Variants in CNTNAP5 observed in about 807,000 individuals in gnomAD.
CNTNAP5 encodes the protein contactin associated protein family member 5.
In CNTNAP5, 72 loss-of-function variants were observed where a neutral mutation model predicts 150.2. The observed-to-expected ratio is 0.48, with a 90% CI of 0.40 to 0.58. CNTNAP5 has a LOEUF of 0.58. CNTNAP5 is among the 20% of genes least tolerant of loss of function. The pLI is 0.00. For missense variants in CNTNAP5, 1,636 were observed against 1,626.2 expected (o/e 1.01, Z -0.10); for synonymous variants, 672 against 619.8 (o/e 1.08, Z -1.25).
rs190486958 is a variant in CNTNAP5, at chr2:124,045,148, C to G, written c.82+19416C>G. Among the ~76,000 whole-genome samples, 3 of 152,244 alleles carry G rather than the reference C, an allele frequency of 2.0e-5. No homozygotes were observed. In the East Asian group the frequency reaches 5.8e-4, roughly 29 times the overall value. On this transcript the variant is annotated intron_variant, in intron 1 of 23. Coordinates refer to ENST00000682447, the MANE Select transcript of CNTNAP5 (RefSeq NM_001367498.1). ...CAATGAATTCACTGTTTTCCCACTT[C>G]AAGATGCCTCAGGGAAAAAGCAAAC...
rs778249712 is a variant in CNTNAP5 at position 124,609,785 on chromosome 2, G to T, written c.1757-16G>T. On this transcript the variant is annotated splice_polypyrimidine_tract_variant and intron_variant, in intron 11 of 23. Transcript: ENST00000682447. ...AGCCAAGCAAAGTTTTATCTCTGCTGCCTTTGTCTTTCCAGCCATCTACGA... is the reference window on the plus strand; with the variant it reads ...AGCCAAGCAAAGTTTTATCTCTGCTTCCTTTGTCTTTCCAGCCATCTACGA... The T allele has an allele frequency of 1.9e-6, 3 of 1,612,600 alleles. No individual in the cohort carries two copies. In the African/African-American group the frequency reaches 4.0e-5, roughly 22 times the overall value.
rs1694289885 is a variant in CNTNAP5, at chr2:124,502,013, A to G, written c.1063-2279A>G. 1.3e-5 allele frequency among the ~76,000 whole-genome samples: 2 copies of G among 152,302 alleles called. 1 individual carries two copies. The highest frequency in any genetic ancestry group is 4.1e-4 in the South Asian group (2 of 4,828). On this transcript the variant is annotated intron_variant, in intron 7 of 23. Transcript: ENST00000682447. ...TGTGAAGGGAATCGGGGGAAGGGAG[A>G]GAGAAGCTGGCCTAAGGTGAGCGAG...
chr2:124,182,952 A>G (rs1343022873), intron 1 of CNTNAP5, among the ~76,000 whole-genome samples: 1 of 152,154 alleles, frequency 6.6e-6, no homozygotes, highest in Non-Finnish European at 1.5e-5. Context: ...GCCTCTGCTT[A>G]TGACAGCATT....
intron 19 of CNTNAP5, among the ~76,000 whole-genome samples, chr2:124,863,662 C>T (rs1677570276): frequency 6.6e-6 from 1 of 152,156 alleles, no homozygotes; most frequent in Non-Finnish European, 1.5e-5. Flanking sequence ...TTGAAATGGT[C>T]TCTGCCCTCT....
intron 2 of CNTNAP5, among the ~76,000 whole-genome samples, chr2:124,241,323 A>G (rs1274452762): frequency 6.6e-6 from 1 of 152,156 alleles, no homozygotes; most frequent in Non-Finnish European, 1.5e-5. Flanking sequence ...TGTCAGGTAT[A>G]CTGAATCACA....
intron 11 of CNTNAP5, among the ~76,000 whole-genome samples, chr2:124,584,699 C>T (rs937579832): frequency 1.3e-5 from 2 of 152,080 alleles, no homozygotes; most frequent in Non-Finnish European, 2.9e-5. Context: ...ATTCTGGACT[C>T]GTTAAAACAA....
At chr2:124,092,792 T>G (rs1682844732) in intron 1 of CNTNAP5, among the ~76,000 whole-genome samples, 2 of 152,188 alleles carry the variant, frequency 1.3e-5, no homozygotes, top group Admixed American at 6.5e-5. Context: ...TAATTTTCAC[T>G]GCCTAAGTCC....
chr2:124,760,229 C>G (rs1038820612), intron 14 of CNTNAP5, among the ~76,000 whole-genome samples: 1 of 151,816 alleles, frequency 6.6e-6, no homozygotes, highest in Non-Finnish European at 1.5e-5. Context: ...TTCTTGAATT[C>G]TTCCTATAAT....
chr2:124,115,229 C>A (rs187497199), intron 1 of CNTNAP5, among the ~76,000 whole-genome samples: 2 of 152,212 alleles, frequency 1.3e-5, no homozygotes, highest in East Asian at 3.9e-4. Context: ...ATAAAATGAA[C>A]ACCCTTTCAT....
intron 21 of CNTNAP5, among the ~76,000 whole-genome samples, chr2:124,874,546 G>T (rs984390765): frequency 6.6e-6 from 1 of 151,754 alleles, no homozygotes; most frequent in South Asian, 2.1e-4. Context: ...TGGTCCTGTT[G>T]TCCCCTTCTT....
chr2:124,360,898 G>C (rs1400354554), intron 3 of CNTNAP5, among the ~76,000 whole-genome samples: 3 of 144,624 alleles, frequency 2.1e-5, no homozygotes, highest in African/African-American at 7.8e-5. Context: ...ATATCCTGCA[G>C]AGTGTTTTCC....
At position 124,663,615 on chromosome 2, in the gene CNTNAP5, G is replaced by A. The variant is rs552047740; in HGVS notation, c.2077+15657G>A. On this transcript the variant is annotated intron_variant, in intron 13 of 23. Coordinates refer to ENST00000682447, the MANE Select transcript of CNTNAP5 (RefSeq NM_001367498.1). ...TGGGGGCTAGGGAGAAAGAGAGAGA[G>A]GAAAGGAGGGAAAATCCTTTGGGGA... 5.3e-4 allele frequency among the ~76,000 whole-genome samples: 80 copies of A among 152,204 alleles called. 3 individuals carry two copies. In the South Asian group the frequency reaches 0.016, roughly 31 times the overall value.
At chr2:124,891,555 A>T (rs1027571165) in intron 21 of CNTNAP5, among the ~76,000 whole-genome samples, 5 of 152,128 alleles carry the variant, frequency 3.3e-5, no homozygotes, top group African/African-American at 1.2e-4. Flanking sequence ...CCCAAAAGAT[A>T]TCATGTAATC....
chr2:124,257,526 G>C (rs948841384), intron 3 of CNTNAP5, among the ~76,000 whole-genome samples: 11 of 152,040 alleles, frequency 7.2e-5, no homozygotes, highest in Middle Eastern at 3.2e-3. Context: ...TGACACATAC[G>C]TCTCCACCTT....
At chr2:124,402,331 T>C (rs528951503) in intron 3 of CNTNAP5, among the ~76,000 whole-genome samples, 3 of 152,210 alleles carry the variant, frequency 2.0e-5, no homozygotes, top group Non-Finnish European at 1.5e-5. Flanking sequence ...AAGGGAATTT[T>C]TACTGCCAGA....
chr2:124,648,105 T>G, intron 13 of CNTNAP5, 147 bp downstream of exon 13: 1 of 684,128 alleles, frequency 1.5e-6, no homozygotes, highest in Non-Finnish European at 2.4e-6. Context: ...GGGGTCTGGT[T>G]ATGTAGTAAT....
At chr2:124,891,912 T>C (rs1172652169) in intron 21 of CNTNAP5, among the ~76,000 whole-genome samples, 1 of 152,122 alleles carries the variant, frequency 6.6e-6, no homozygotes, top group Non-Finnish European at 1.5e-5. Context: ...ACAAGAGTTT[T>C]CCAATTGGCC....
intron 1 of CNTNAP5, among the ~76,000 whole-genome samples, chr2:124,171,381 C>G (rs766251927): frequency 3.3e-5 from 5 of 152,160 alleles, no homozygotes; most frequent in Non-Finnish European, 7.3e-5. Flanking sequence ...GGGGTGCCAG[C>G]ACAACAGTAT....
At chr2:124,026,620 G>A (rs567382439) in intron 1 of CNTNAP5, among the ~76,000 whole-genome samples, 1 of 152,288 alleles carries the variant, frequency 6.6e-6, no homozygotes, top group African/African-American at 2.4e-5. Context: ...TTCCAGCTCT[G>A]GGACTTCCTA....
Sources: gnomAD v4.1 joint callset for allele counts (sites outside exome capture counted in the v4.1 genomes callset) on GRCh38, gnomAD v4.1.1 for gene constraint, MANE v1.5 for transcripts, NCBI Gene and HGNC (gene_info 2026-07-23, HGNC 2026-07-21) for gene names.